The following EPHB1 variants were observed in gnomAD, a reference collection of about 807,000 sequenced individuals.
EPHB1 encodes the protein EPH receptor B1, also known as ephrin type-B receptor 1.
A neutral mutation model predicts 94.4 loss-of-function variants in EPHB1; 30 were observed. The ratio of observed to expected loss-of-function variants is 0.32; its 90% CI spans 0.24 to 0.43. EPHB1 has a LOEUF of 0.43. EPHB1 is among the 20% of genes least tolerant of loss of function. EPHB1 has a pLI of 1.00. For synonymous variants in EPHB1, 522 were observed against 489.1 expected, an observed-to-expected ratio of 1.07 and a Z score of -0.89; for missense variants, 1,055 against 1,308.3, an observed-to-expected ratio of 0.81 and a Z score of 2.99.
At chr3:134,903,957 T>C (rs1295898712) in intron 1 of EPHB1, among the ~76,000 whole-genome samples, 1 of 152,112 alleles carries the variant, frequency 6.6e-6, no homozygotes, top group Non-Finnish European at 1.5e-5. Context: ...TTCTGTAATG[T>C]TTTTCATTGA....
chr3:134,908,342 G>A (rs554792587), intron 1 of EPHB1, among the ~76,000 whole-genome samples: 1 of 152,328 alleles, frequency 6.6e-6, no homozygotes, highest in African/African-American at 2.4e-5. Flanking sequence ...AGTGATAGAG[G>A]GGCTGGCCCT....
chr3:134,977,255 A>G (rs1157976571), intron 3 of EPHB1, among the ~76,000 whole-genome samples: 1 of 152,156 alleles, frequency 6.6e-6, no homozygotes, highest in African/African-American at 2.4e-5. Context: ...AATGCCTTGG[A>G]AAATCTCTAG....
chr3:135,038,388 G>A (rs764705684), intron 3 of EPHB1, among the ~76,000 whole-genome samples: 15 of 152,202 alleles, frequency 9.9e-5, no homozygotes, highest in Non-Finnish European at 1.8e-4. Context: ...GTCAGTTCGT[G>A]CCCTGAGTAA....
At chr3:135,133,953 A>G (rs1940520333) in intron 5 of EPHB1, among the ~76,000 whole-genome samples, 1 of 152,260 alleles carries the variant, frequency 6.6e-6, no homozygotes, top group Non-Finnish European at 1.5e-5. Flanking sequence ...ATACTTGGAC[A>G]CTATTGTTCC....
At chr3:135,172,609 A>C (rs138549952) in intron 9 of EPHB1, among the ~76,000 whole-genome samples, 17 of 152,340 alleles carry the variant, frequency 1.1e-4, no homozygotes, top group African/African-American at 3.8e-4. Context: ...AGCCCAGAAG[A>C]AATCACCTCA....
In EPHB1 at chr3:135,254,287, G is replaced by C. The variant is rs1405577750; in HGVS notation, c.2847-4725G>C. On this transcript the variant is annotated intron_variant, in intron 15 of 15. Coordinates refer to ENST00000398015, the MANE Select transcript of EPHB1 (RefSeq NM_004441.5). ...TGGTGAGAGAGGGCATCCCTGTCTT[G>C]TGCCAGTTTTCAAAGGGAATGCTTC... Among the ~76,000 whole-genome samples, 151 of 73,314 alleles carry C rather than the reference G, an allele frequency of 2.1e-3. 1 individual carries two copies. Among genetic ancestry groups the C allele is most frequent in the African/African-American group, 6.7e-3 (141 of 20,970 alleles). 48.1% of individuals were successfully genotyped at this position (73,314 alleles called of 152,430 possible).
chr3:135,224,736 AT>A (rs1176401971), intron 12 of EPHB1, among the ~76,000 whole-genome samples: 1 of 152,324 alleles, frequency 6.6e-6, no homozygotes, highest in East Asian at 1.9e-4. Context: ...CAGCCACCAT[AT>A]ACCAGTGAGC....
chr3:134,976,568 G>A (rs1413412535), intron 3 of EPHB1, among the ~76,000 whole-genome samples: 1 of 152,100 alleles, frequency 6.6e-6, no homozygotes, highest in Non-Finnish European at 1.5e-5. Context: ...AGCTTCTCTG[G>A]TGTTGCATCT....
intron 3 of EPHB1, among the ~76,000 whole-genome samples, chr3:135,105,066 T>C (rs1261250384): frequency 1.3e-5 from 2 of 152,298 alleles, no homozygotes; most frequent in East Asian, 1.9e-4. Flanking sequence ...AGCTACCCCA[T>C]AGAGTAATGC....
chr3:134,992,876 C>A (rs1328998793), intron 3 of EPHB1, among the ~76,000 whole-genome samples: 1 of 152,158 alleles, frequency 6.6e-6, no homozygotes, highest in East Asian at 1.9e-4. Context: ...TCCCTTCTGA[C>A]CTAAACCACA....
At chr3:135,176,786 T>C (rs181105231) in intron 9 of EPHB1, among the ~76,000 whole-genome samples, 7 of 152,336 alleles carry the variant, frequency 4.6e-5, no homozygotes, top group Admixed American at 3.9e-4. Context: ...TTCATCCTTA[T>C]GTATGTCTTT....
At chr3:135,220,473 C>A (rs1405973864) in intron 12 of EPHB1, among the ~76,000 whole-genome samples, 1 of 152,036 alleles carries the variant, frequency 6.6e-6, no homozygotes, top group Admixed American at 6.6e-5. Context: ...AGAATACATG[C>A]CATCTGGGCG....
At chr3:135,186,557 C>T (rs1942334589) in intron 10 of EPHB1, among the ~76,000 whole-genome samples, 1 of 151,910 alleles carries the variant, frequency 6.6e-6, no homozygotes, top group Non-Finnish European at 1.5e-5. Flanking sequence ...CTTTTTTTCC[C>T]CCCAAGGCAG....
chr3:134,804,101 TTTTTTG>T (rs2035988979), intron 1 of EPHB1, among the ~76,000 whole-genome samples: 2 of 99,542 alleles, frequency 2.0e-5, no homozygotes, highest in African/African-American at 4.3e-5. Flanking sequence ...TTTTTTTTTT[TTTTTTG>T]CTGCATGTCT....
At chr3:134,866,331 C>T (rs999541475) in intron 1 of EPHB1, among the ~76,000 whole-genome samples, 7 of 152,208 alleles carry the variant, frequency 4.6e-5, no homozygotes, top group African/African-American at 1.7e-4. Context: ...AAGAGTCACT[C>T]GAGGAGTACT....
rs1269583975 is a variant in EPHB1, at chr3:135,259,030, C to A, written c.2865C>A (p.Gly955=). ...CTCCTAGAGACCTCCTGAGAATAGGCATCACCTTGGCAGGCCATCAGAAGA... is the reference window on the plus strand; with the variant it reads ...CTCCTAGAGACCTCCTGAGAATAGGAATCACCTTGGCAGGCCATCAGAAGA... ...QMTSEDLLRI[G]ITLAGHQKKI... The change falls in exon 16 of 16, where the codon GGC becomes GGA. Residue 955 remains glycine, a synonymous_variant. Coordinates refer to ENST00000398015, the MANE Select transcript of EPHB1 (RefSeq NM_004441.5). 1.9e-6 allele frequency: 3 copies of A among 1,608,504 alleles called. No homozygotes were observed. The highest frequency in any genetic ancestry group is 2.5e-6 in the Non-Finnish European group (3 of 1,177,556).
intron 1 of EPHB1, among the ~76,000 whole-genome samples, chr3:134,909,127 T>TG (rs2038402270): frequency 8.8e-6 from 1 of 114,026 alleles, no homozygotes; most frequent in African/African-American, 3.4e-5. Flanking sequence ...GGGGGCGGGC[T>TG]GGAAGAAAAG....
rs781506236 is a variant in EPHB1, at chr3:135,106,475, G to T, written c.833G>T (p.Ser278Ile). 29 of 1,613,932 alleles carry T rather than the reference G, an allele frequency of 1.8e-5. No individual in the cohort carries two copies. The highest frequency in any genetic ancestry group is 1.9e-5 in the Non-Finnish European group (23 of 1,179,908). Reference sequence around the variant, plus strand: ...TGCCCTGCAGGGACATTCAAGGCCAGCCAGGAAGCTGAAGGCTGCTCCCAC... The same window carrying T: ...TGCCCTGCAGGGACATTCAAGGCCATCCAGGAAGCTGAAGGCTGCTCCCAC... ...KACPAGTFKA[S>I]QEAEGCSHCP... Residue 278 changes from serine (S) to isoleucine (I), a missense_variant, in exon 4 of 16, where the codon AGC (serine) becomes ATC (isoleucine). Ser to Ile is a moderately radical substitution (Grantham distance 142). Transcript: ENST00000398015.
At chr3:135,170,520 T>C (rs188449658) in intron 9 of EPHB1, among the ~76,000 whole-genome samples, 4 of 151,844 alleles carry the variant, frequency 2.6e-5, no homozygotes, top group African/African-American at 9.7e-5. Flanking sequence ...GGTGGGGATG[T>C]GGCTTTCCGA....
Sources: gnomAD v4.1 joint callset for allele counts (sites outside exome capture counted in the v4.1 genomes callset) on GRCh38, gnomAD v4.1.1 for gene constraint, MANE v1.5 for transcripts, NCBI Gene and HGNC (gene_info 2026-07-23, HGNC 2026-07-21) for gene names.